COQ10A: variants seen among roughly 807,000 people sequenced by gnomAD.
COQ10A encodes coenzyme Q10A, also known as coenzyme Q-binding protein COQ10 homolog A, mitochondrial.
COQ10A carries 25 observed loss-of-function variants against 26.1 expected under a neutral mutation model. The observed-to-expected ratio is 0.96, with a 90% CI of 0.70 to 1.34. The LOEUF (loss-of-function observed/expected upper bound fraction) is 1.34. COQ10A is among the 40% of genes most tolerant of loss of function. The probability of loss-of-function intolerance (pLI) is 0.00; values close to 1 mark genes in which losing one functional copy is unlikely to be tolerated. For synonymous variants in COQ10A, 132 were observed against 124.0 expected (o/e 1.06, Z -0.43); for missense variants, 312 against 335.4 (o/e 0.93, Z 0.54).
At chr12:56,267,300 C>A in intron 1 of COQ10A, 48 bp downstream of exon 1, 5 of 1,596,616 alleles carry the variant, frequency 3.1e-6, no homozygotes, top group Non-Finnish European at 4.3e-6. Flanking sequence ...GCTGCGAACC[C>A]CGGGGTTCCG....
rs781051915 is a variant in COQ10A, at chr12:56,269,158, G to A, written c.381G>A (p.Lys127=). ...CKKSLVVSSR[K]GHLKAQLEVG... ...AGTCTCTGGTGGTATCCAGCCGTAA[G>A]GGTCATTTGAAAGCCCAGCTGGAGG... Residue 127 remains lysine, a synonymous_variant, in exon 3 of 5, where the codon AAG becomes AAA. Transcript: ENST00000308197. 4 of 1,614,172 alleles carry A rather than the reference G, an allele frequency of 2.5e-6. No individual in the cohort carries two copies. The Admixed American group carries it at 5.0e-5, about 20-fold the overall frequency.
chr12:56,268,157 G>C, intron 2 of COQ10A: 1 of 623,944 alleles, frequency 1.6e-6, no homozygotes, highest in South Asian at 1.9e-5. Flanking sequence ...AATGAGACTA[G>C]GGTTGGACTA....
rs1872367168 is a variant in COQ10A, at chr12:56,267,038, G to A, written c.-81G>A. On this transcript the variant is annotated 5_prime_UTR_variant, in exon 1 of 5. Transcript: ENST00000308197. ...TCAGAGGTCCCGAACCAGCCCAGCC[G>A]CTGCCTCTTGCCGCTCCGCCTTTGG... is the stretch of plus-strand genomic sequence containing the variant. 8.3e-7 allele frequency: 1 copy of A among 1,204,544 alleles called. No homozygotes were observed. 74.6% of individuals were successfully genotyped at this position (1,204,544 alleles called of 1,614,324 possible). A position where few individuals can be genotyped will look rare whatever the true frequency, so the allele number is the denominator to read the frequency against.
Position 56,267,374 on chromosome 12 carries a change from A to G in COQ10A, c.134+122A>G, listed in dbSNP as rs764973047. 17 of 1,613,700 alleles carry G rather than the reference A, an allele frequency of 1.1e-5. No individual in the cohort carries two copies. The South Asian group carries it at 1.8e-4, about 17-fold the overall frequency. On this transcript the variant is annotated intron_variant, in intron 1 of 4. Transcript: ENST00000308197. ...GGACTGGCAGCAATCATGCCCTGGGAGCTAACGTAGAGCTTTGGATAATGC... is the reference window on the plus strand; with the variant it reads ...GGACTGGCAGCAATCATGCCCTGGGGGCTAACGTAGAGCTTTGGATAATGC...
rs1872365297 is a variant in COQ10A, at chr12:56,266,983, A to G, written c.-136A>G. 1.1e-6 allele frequency: 1 copy of G among 890,880 alleles called. No individual in the cohort carries two copies. Among genetic ancestry groups the G allele is most frequent in the Admixed American group, 4.6e-5 (1 of 21,716 alleles). The allele number at this position is 890,880 out of a possible 1,614,324, so 55.2% of individuals were successfully genotyped here. On this transcript the variant is annotated 5_prime_UTR_variant, in exon 1 of 5. Coordinates refer to ENST00000308197, the MANE Select transcript of COQ10A (RefSeq NM_144576.4). ...GCAGCCTGGACGGGAGCAAGGCGAG[A>G]GGTGCTGCCGCCTCCCGTCGCCCCT... is the stretch of plus-strand genomic sequence containing the variant.
intron 2 of COQ10A, 59 bp downstream of exon 2, chr12:56,267,999 C>A: frequency 6.3e-7 from 1 of 1,593,990 alleles, no homozygotes; most frequent in South Asian, 1.1e-5. Flanking sequence ...TAACCCTGTC[C>A]AGGCAAGAAT....
rs757921199 is a variant in COQ10A at position 56,270,207 on chromosome 12, G to A, written c.634G>A (p.Glu212Lys). 6.8e-6 allele frequency: 11 copies of A among 1,614,130 alleles called. No homozygotes were observed. Among genetic ancestry groups the A allele is most frequent in the East Asian group, 2.2e-5 (1 of 44,888 alleles). Residue 212 changes from glutamate to lysine, a missense_variant, in exon 5 of 5, where the codon GAG (glutamate) becomes AAG (lysine). Glu to Lys is a moderately conservative substitution (Grantham distance 56). Coordinates refer to ENST00000308197, the MANE Select transcript of COQ10A (RefSeq NM_144576.4). ...CCAGCTGGCCACCATGTTTTTTGATGAGGTTGTCAAACAGAATGTTGCTGC... is the reference window on the plus strand; with the variant it reads ...CCAGCTGGCCACCATGTTTTTTGATAAGGTTGTCAAACAGAATGTTGCTGC... ...HSQLATMFFD[E>K]VVKQNVAAFE...
intron 4 of COQ10A, 118 bp from the exon 5 acceptor site, chr12:56,270,032 G>T (rs778913638): frequency 2.0e-6 from 2 of 991,920 alleles, no homozygotes; most frequent in Non-Finnish European, 3.1e-6. Context: ...CTCTTACGGG[G>T]ATCCACGAAC....
chr12:56,267,524 G>A, intron 1 of COQ10A: 13 of 1,506,452 alleles, frequency 8.6e-6, no homozygotes, highest in Non-Finnish European at 1.2e-5. Context: ...TTCAGCAGTA[G>A]TGTAGGCCCA....
In COQ10A at chr12:56,267,811, GCCT is replaced by G. The variant is rs868836820; in HGVS notation, c.157_159del (p.Leu54del). The stretch of plus-strand genomic sequence containing the variant: ...GGCCTTAGGTTTCTGACCTCCTGCA[GCCT>G]CCTCTTGCCTCGGGCTGCCCAGATC... On this transcript the variant is annotated inframe_deletion, in exon 2 of 5. Transcript: ENST00000308197. The G allele has an allele frequency of 6.2e-7, 1 of 1,614,178 alleles. No homozygotes were observed. Among genetic ancestry groups the G allele is most frequent in the African/African-American group, 1.3e-5 (1 of 75,040 alleles).
intron 2 of COQ10A, chr12:56,268,469 A>C (rs920316268): frequency 6.2e-6 from 1 of 161,404 alleles, no homozygotes; most frequent in Non-Finnish European, 1.4e-5. Context: ...CGACAGAGCA[A>C]GACTGTCTCA....
chr12:56,267,355 G>GC, intron 1 of COQ10A, 103 bp downstream of exon 1: 1 of 1,613,788 alleles, frequency 6.2e-7, no homozygotes. Flanking sequence ...GCGGGGACTG[G>GC]CAGCAATCAT....
In COQ10A at chr12:56,267,232, G is replaced by A; in HGVS notation, c.114G>A (p.Leu38=). Residue 38 remains leucine, a synonymous_variant, in exon 1 of 5, where the codon CTG becomes CTA. Coordinates refer to ENST00000308197, the MANE Select transcript of COQ10A (RefSeq NM_144576.4). The part of the protein sequence containing the change: ...GAQPAPPPGP[L]PPPRPMRFLT... ...AACCGGCCCCGCCCCCAGGCCCTCT[G>A]CCACCGCCGCGACCAATGAGGTGAG... 6.8e-7 allele frequency: 1 copy of A among 1,469,698 alleles called. No individual in the cohort carries two copies. Among genetic ancestry groups the A allele is most frequent in the Non-Finnish European group, 9.0e-7 (1 of 1,110,998 alleles). The allele number at this position is 1,469,698 out of a possible 1,614,324, so 91.0% of individuals were successfully genotyped here.
Position 56,270,488 on chromosome 12 carries a change from A to G in COQ10A, c.*171A>G. On this transcript the variant is annotated 3_prime_UTR_variant, in exon 5 of 5. Coordinates refer to ENST00000308197, the MANE Select transcript of COQ10A (RefSeq NM_144576.4). ...ATGCTGGCTGGAAATGTTGGGGGAA[A>G]GAGAAGGCAAAGGATGTGGAAATGA... 2 of 690,606 alleles carry G rather than the reference A, an allele frequency of 2.9e-6. No homozygotes were observed. Among genetic ancestry groups the G allele is most frequent in the Admixed American group, 6.0e-5 (2 of 33,172 alleles). 42.8% of individuals were successfully genotyped at this position (690,606 alleles called of 1,614,324 possible).
Position 56,269,437 on chromosome 12 carries a change from A to G in COQ10A, c.475-23A>G, listed in dbSNP as rs1407682075. On this transcript the variant is annotated intron_variant, in intron 3 of 4. Coordinates refer to ENST00000308197, the MANE Select transcript of COQ10A (RefSeq NM_144576.4). ...ATCCTATACTTAGTAATGTTATTTA[A>G]CTACCTGATTACCCTATTCTAGGCT... is the stretch of plus-strand genomic sequence containing the variant. 1.9e-6 allele frequency: 3 copies of G among 1,574,106 alleles called. No homozygotes were observed. In the South Asian group the frequency reaches 3.3e-5, roughly 17 times the overall value.
In COQ10A at chr12:56,267,879, A is replaced by T. The variant is rs1201078084; in HGVS notation, c.220A>T (p.Met74Leu). The T allele has an allele frequency of 1.9e-6, 3 of 1,614,134 alleles. No homozygotes were observed. Among genetic ancestry groups the T allele is most frequent in the Admixed American group, 1.7e-5 (1 of 60,022 alleles). The stretch of plus-strand genomic sequence containing the variant: ...TGGCTTACCTTCGAGCCGTTCCTTC[A>T]TGGGATTTGCTGCTCCCTTCACCAA... ...EAGLPSSRSF[M>L]GFAAPFTNKR... is the part of the protein sequence containing the mutation. Residue 74 changes from methionine to leucine, a missense_variant, in exon 2 of 5, where the codon ATG becomes TTG. Transcript: ENST00000308197.
At chr12:56,270,075 AC>A (rs1439096830) in intron 4 of COQ10A, 74 bp from the exon 5 acceptor site, 5 of 1,458,656 alleles carry the variant, frequency 3.4e-6, no homozygotes. Flanking sequence ...GCACTGAGGA[AC>A]AGTTTCCTTG....
At chr12:56,270,052 A>AG in intron 4 of COQ10A, 98 bp from the exon 5 acceptor site, 1 of 1,215,004 alleles carries the variant, frequency 8.2e-7, no homozygotes, top group Non-Finnish European at 1.2e-6. Context: ...CTGGATGGGG[A>AG]GGGGGAGAAA....
chr12:56,267,551 G>A lies in COQ10A; in HGVS notation c.135-243G>A, dbSNP rs1872386791. On this transcript the variant is annotated intron_variant, in intron 1 of 4. Coordinates refer to ENST00000308197, the MANE Select transcript of COQ10A (RefSeq NM_144576.4). ...GTAGGCCCAGTCAAAGGCAACTGGC[G>A]CTTCCCACACACCCCTTTTTCTCAT... 1.9e-5 allele frequency: 25 copies of A among 1,300,908 alleles called. 1 individual carries two copies. In the South Asian group the frequency reaches 2.6e-4, roughly 14 times the overall value. The allele number at this position is 1,300,908 out of a possible 1,614,324, so 80.6% of individuals were successfully genotyped here.
Sources: gnomAD v4.1 joint callset for allele counts on GRCh38, gnomAD v4.1.1 for gene constraint, MANE v1.5 for transcripts, NCBI Gene and HGNC (gene_info 2026-07-23, HGNC 2026-07-21) for gene names.